PHKB: variants seen among roughly 807,000 people sequenced by gnomAD.
The protein encoded by PHKB is phosphorylase b kinase regulatory subunit beta.
PHKB carries 122 observed loss-of-function variants against 152.1 expected under a neutral mutation model. The observed-to-expected ratio is 0.80, with a 90% CI of 0.69 to 0.93. The LOEUF is 0.93. Ranked by LOEUF, PHKB falls within the 40% of genes least tolerant of loss-of-function variation. The pLI, the probability that PHKB is intolerant of heterozygous loss-of-function variation, is 0.00. For synonymous variants in PHKB, 436 were observed against 464.9 expected (o/e 0.94, Z 0.80); for missense variants, 1,304 against 1,328.4 (o/e 0.98, Z 0.29).
chr16:47,540,452 G>T lies in PHKB; in HGVS notation c.595-6981G>T, dbSNP rs146740621. 6.8e-3 allele frequency among the ~76,000 whole-genome samples: 1,039 copies of T among 152,064 alleles called. 13 individuals are homozygous for T. Among genetic ancestry groups the T allele is most frequent in the African/African-American group, 0.023 (971 of 41,464 alleles). On this transcript the variant is annotated intron_variant, in intron 6 of 30. Transcript: ENST00000323584. ...TTTGCCCTTTGAAGCATGTGATCTT[G>T]TGACCTACTCCCTGTTCTTGCACCA...
intron 2 of PHKB, among the ~76,000 whole-genome samples, chr16:47,499,165 A>C (rs1233778663): frequency 6.6e-6 from 1 of 152,148 alleles, no homozygotes; most frequent in Non-Finnish European, 1.5e-5. Context: ...TAAAATGTTA[A>C]ACATTTTCCT....
At chr16:47,605,910 G>T (rs988741184) in intron 13 of PHKB, among the ~76,000 whole-genome samples, 1 of 152,100 alleles carries the variant, frequency 6.6e-6, no homozygotes, top group Non-Finnish European at 1.5e-5. Context: ...TCTGGGAGTC[G>T]ACTGACTGTG....
chr16:47,571,943 G>A (rs60200500), intron 7 of PHKB, among the ~76,000 whole-genome samples: 16,376 of 152,074 alleles, frequency 0.11, 1,832 homozygotes, highest in African/African-American at 0.29. Context: ...TGATCTATGC[G>A]GGCCAGACTA....
chr16:47,686,547 A>G (rs766541975), intron 26 of PHKB, among the ~76,000 whole-genome samples: 32 of 152,220 alleles, frequency 2.1e-4, no homozygotes, highest in Non-Finnish European at 3.8e-4. Flanking sequence ...TCGATGAGCA[A>G]TAGTAGTATT....
At chr16:47,609,223 G>A (rs1972381280) in intron 13 of PHKB, among the ~76,000 whole-genome samples, 1 of 152,078 alleles carries the variant, frequency 6.6e-6, no homozygotes, top group African/African-American at 2.4e-5. Flanking sequence ...GTGATGTTAA[G>A]CCATCCTTGC....
At chr16:47,479,147 G>A (rs941546838) in intron 1 of PHKB, among the ~76,000 whole-genome samples, 5 of 152,100 alleles carry the variant, frequency 3.3e-5, no homozygotes, top group Non-Finnish European at 7.4e-5. Flanking sequence ...GTACTTATAC[G>A]GTTTTAGGGC....
intron 26 of PHKB, among the ~76,000 whole-genome samples, chr16:47,677,482 C>T (rs1973754120): frequency 6.6e-6 from 1 of 152,200 alleles, no homozygotes; most frequent in African/African-American, 2.4e-5. Flanking sequence ...AGGGTCCCTG[C>T]CAATTTGGTT....
chr16:47,587,816 A>G (rs1485933187), intron 9 of PHKB, 53 bp downstream of exon 9: 9 of 1,253,314 alleles, frequency 7.2e-6, no homozygotes, highest in South Asian at 6.0e-5. Flanking sequence ...TATGATTTCT[A>G]TGTAGTTATA....
At chr16:47,558,942 GC>G (rs1312398286) in intron 7 of PHKB, among the ~76,000 whole-genome samples, 2 of 152,142 alleles carry the variant, frequency 1.3e-5, no homozygotes, top group East Asian at 1.9e-4. Context: ...CCTTGGACTG[GC>G]TACATTGTGT....
chr16:47,698,511 G>A lies in PHKB; in HGVS notation c.3067G>A (p.Asp1023Asn). 1 of 1,604,926 alleles carries A rather than the reference G, an allele frequency of 6.2e-7. No homozygotes were observed. The highest frequency in any genetic ancestry group is 8.5e-7 in the Non-Finnish European group (1 of 1,174,140). ...CGAGCTAGAATTTCAAGACAAAGTA[G>A]ATCTAGACAGACTGGTCAAAGAAGC... ...NPELEFQDKV[D>N]LDRLVKEAFN... The change falls in exon 30 of 31, where the codon GAT (aspartate) becomes AAT (asparagine). Residue 1023 changes from aspartate to asparagine, a missense_variant. Physicochemically the swap from Asp to Asn is conservative, Grantham distance 23 (BLOSUM62 1). Transcript: ENST00000323584.
chr16:47,583,456 T>C (rs927314390), intron 8 of PHKB, among the ~76,000 whole-genome samples: 2 of 152,230 alleles, frequency 1.3e-5, no homozygotes, highest in African/African-American at 4.8e-5. Context: ...TGAAAATCCA[T>C]AGAAACCACC....
chr16:47,580,286 CTCTTT>C lies in PHKB; in HGVS notation c.711-7_711-3del. On this transcript the variant is annotated splice_region_variant and splice_polypyrimidine_tract_variant and intron_variant, in intron 7 of 30. Coordinates refer to ENST00000323584, the MANE Select transcript of PHKB (RefSeq NM_000293.3). ...TTAGAGTAATAAAGCATTTCCTTTT[CTCTTT>C]TAGCTCGGTTGGTTTAGCAAAAGCA... 6.2e-7 allele frequency: 1 copy of C among 1,608,528 alleles called. No individual in the cohort carries two copies. The highest frequency in any genetic ancestry group is 8.5e-7 in the Non-Finnish European group (1 of 1,175,190).
chr16:47,632,691 C>G (rs1304664227), intron 14 of PHKB, among the ~76,000 whole-genome samples: 1 of 152,012 alleles, frequency 6.6e-6, no homozygotes, highest in Non-Finnish European at 1.5e-5. Flanking sequence ...AATGAATTAT[C>G]TGTTGAAAAA....
At chr16:47,638,173 C>A (rs1222351823) in intron 14 of PHKB, among the ~76,000 whole-genome samples, 1 of 152,016 alleles carries the variant, frequency 6.6e-6, no homozygotes, top group Admixed American at 6.5e-5. Context: ...CTGAGGATGT[C>A]TTTAAAAAGA....
chr16:47,662,661 A>G (rs961397915), intron 23 of PHKB, among the ~76,000 whole-genome samples: 1 of 152,216 alleles, frequency 6.6e-6, no homozygotes, highest in Non-Finnish European at 1.5e-5. Context: ...ATAGTTTTCA[A>G]TTTCTTAGCT....
intron 7 of PHKB, among the ~76,000 whole-genome samples, chr16:47,563,203 T>C (rs925452760): frequency 2.0e-5 from 3 of 151,086 alleles, no homozygotes; most frequent in Non-Finnish European, 2.9e-5. Context: ...TGACTTCCTC[T>C]CATGAATCTT....
chr16:47,556,804 C>T (rs1971379264), intron 7 of PHKB, among the ~76,000 whole-genome samples: 1 of 152,116 alleles, frequency 6.6e-6, no homozygotes, highest in African/African-American at 2.4e-5. Flanking sequence ...AGGGAGGATT[C>T]CCTCTTTTTC....
intron 14 of PHKB, among the ~76,000 whole-genome samples, chr16:47,639,196 C>T (rs1365880260): frequency 2.0e-5 from 3 of 152,096 alleles, no homozygotes; most frequent in Non-Finnish European, 2.9e-5. Flanking sequence ...ATCACCTGAG[C>T]CCAGGATGTC....
chr16:47,612,393 A>G (rs188384090), intron 14 of PHKB, among the ~76,000 whole-genome samples: 1 of 152,320 alleles, frequency 6.6e-6, no homozygotes. Flanking sequence ...ATCAGTTTAA[A>G]CAGTTGTTTC....
Sources: gnomAD v4.1 joint callset for allele counts (sites outside exome capture counted in the v4.1 genomes callset) on GRCh38, gnomAD v4.1.1 for gene constraint, MANE v1.5 for transcripts, NCBI Gene and HGNC (gene_info 2026-07-23, HGNC 2026-07-21) for gene names.